The following PMEPA1 variants were observed in gnomAD, a reference collection of about 807,000 sequenced individuals.
PMEPA1 encodes protein TMEPAI.
In PMEPA1, 11 loss-of-function variants were observed where a neutral mutation model predicts 23.0. That is an observed-to-expected ratio of 0.48 (90% CI 0.30 to 0.79). The LOEUF is 0.79. Ranked by LOEUF, PMEPA1 falls within the 30% of genes least tolerant of loss-of-function variation. The probability of loss-of-function intolerance (pLI) is 0.06; values close to 1 mark genes in which losing one functional copy is unlikely to be tolerated. For missense variants in PMEPA1, 377 were observed against 390.9 expected (o/e 0.96, Z 0.30); for synonymous variants, 204 against 166.4 (o/e 1.23, Z -1.74).
chr20:57,651,855 T>G lies in PMEPA1; in HGVS notation c.*198A>C. ...ACGTGGTTTTTTTTTTTCTTTTTTCTTTTTTTTTTTGCAAGCTCTCTTAGC... is the reference window on the plus strand; with the variant it reads ...ACGTGGTTTTTTTTTTTCTTTTTTCGTTTTTTTTTTGCAAGCTCTCTTAGC... On this transcript the variant is annotated 3_prime_UTR_variant, in exon 4 of 4. Coordinates refer to ENST00000341744, the MANE Select transcript of PMEPA1 (RefSeq NM_020182.5). 16 of 226,658 alleles carry G rather than the reference T, an allele frequency of 7.1e-5. No individual in the cohort carries two copies. The highest frequency in any genetic ancestry group is 7.6e-5 in the African/African-American group (2 of 26,208). The allele number at this position is 226,658 out of a possible 1,614,324, so 14.0% of individuals were successfully genotyped here. A position where few individuals can be genotyped will look rare whatever the true frequency, so the allele number is the denominator to read the frequency against.
At chr20:57,662,818 G>A (rs891164546) in intron 1 of PMEPA1, among the ~76,000 whole-genome samples, 3 of 152,140 alleles carry the variant, frequency 2.0e-5, no homozygotes, top group Non-Finnish European at 4.4e-5. Context: ...CAGCCCTGGA[G>A]GGAGGGAGGT....
At chr20:57,706,675 T>C (rs1460824522) in intron 1 of PMEPA1, among the ~76,000 whole-genome samples, 1 of 152,198 alleles carries the variant, frequency 6.6e-6, no homozygotes, top group African/African-American at 2.4e-5. Context: ...AAGGAGGACC[T>C]GCTCTGGGGC....
intron 1 of PMEPA1, among the ~76,000 whole-genome samples, chr20:57,676,407 A>C (rs1308930647): frequency 6.6e-6 from 1 of 152,260 alleles, no homozygotes; most frequent in Non-Finnish European, 1.5e-5. Context: ...CAAAGCAGGC[A>C]TCATGACATG....
chr20:57,708,685 G>C (rs1012736601), intron 1 of PMEPA1, among the ~76,000 whole-genome samples: 9 of 152,022 alleles, frequency 5.9e-5, no homozygotes, highest in Non-Finnish European at 1.3e-4. Flanking sequence ...ACAGACACTG[G>C]CACAATGACA....
At chr20:57,674,558 CTGGATGA>C (rs1274375921) in intron 1 of PMEPA1, among the ~76,000 whole-genome samples, 1 of 152,226 alleles carries the variant, frequency 6.6e-6, no homozygotes, top group Non-Finnish European at 1.5e-5. Flanking sequence ...GACCCCTGCC[CTGGATGA>C]TGGACTTGCA....
upstream of PMEPA1, chr20:57,711,462 GC>G (rs2072179721): frequency 6.6e-6 from 1 of 152,160 alleles, no homozygotes; most frequent in African/African-American, 2.4e-5. Flanking sequence ...GAGAAGTCAA[GC>G]CCAGGGATGT....
rs2071224023 is a variant in PMEPA1, at chr20:57,651,290, T to A, written c.*763A>T. The A allele has an allele frequency of 6.6e-6, 1 of 152,602 alleles. No homozygotes were observed. The allele number at this position is 152,602 out of a possible 1,614,324, so 9.5% of individuals were successfully genotyped here. ...GCCCCTCGGGAAAGCCCGCCGCTCCTGGCCAAGGCCTCTCTGCAGACTCCA... is the reference window on the plus strand; with the variant it reads ...GCCCCTCGGGAAAGCCCGCCGCTCCAGGCCAAGGCCTCTCTGCAGACTCCA... On this transcript the variant is annotated 3_prime_UTR_variant, in exon 4 of 4. Coordinates refer to ENST00000341744, the MANE Select transcript of PMEPA1 (RefSeq NM_020182.5).
Position 57,709,604 on chromosome 20 carries a change from C to CGGGGCGCGG in PMEPA1, c.-31_-23dup. On this transcript the variant is annotated 5_prime_UTR_variant, in exon 1 of 4. Coordinates refer to ENST00000341744, the MANE Select transcript of PMEPA1 (RefSeq NM_020182.5). ...GCATGGACGGCGCGGCGGCGCGGCG[C>CGGGGCGCGG]GGGGCGCGGGGGGCTCGGGGGCGGC... 1.8e-6 allele frequency: 1 copy of CGGGGCGCGG among 545,876 alleles called. No individual in the cohort carries two copies. The highest frequency in any genetic ancestry group is 2.6e-5 in the African/African-American group (1 of 37,818). 33.8% of individuals were successfully genotyped at this position (545,876 alleles called of 1,614,324 possible). A position where few individuals can be genotyped will look rare whatever the true frequency, so the allele number is the denominator to read the frequency against.
At chr20:57,660,975 C>T (rs769319837) in intron 1 of PMEPA1, among the ~76,000 whole-genome samples, 3 of 152,068 alleles carry the variant, frequency 2.0e-5, no homozygotes, top group African/African-American at 4.8e-5. Context: ...GCGCACCACA[C>T]GTGCCCACAC....
intron 2 of PMEPA1, among the ~76,000 whole-genome samples, chr20:57,654,653 TCTC>T (rs552938089): frequency 6.6e-6 from 1 of 152,058 alleles, no homozygotes; most frequent in East Asian, 1.9e-4. Context: ...CCCTCTCACT[TCTC>T]CTTCTATTAG....
intron 1 of PMEPA1, among the ~76,000 whole-genome samples, chr20:57,679,000 G>C (rs1221066312): frequency 6.6e-6 from 1 of 152,234 alleles, no homozygotes; most frequent in Non-Finnish European, 1.5e-5. Flanking sequence ...AGGCACAGAA[G>C]AGCCAGGAAC....
chr20:57,706,860 G>A (rs911829591), intron 1 of PMEPA1, among the ~76,000 whole-genome samples: 6 of 152,166 alleles, frequency 3.9e-5, no homozygotes, highest in Admixed American at 3.9e-4. Flanking sequence ...TGAAATTTGG[G>A]GTAGCTGAAG....
upstream of PMEPA1, chr20:57,710,725 C>G (rs1261899784): frequency 2.2e-6 from 1 of 462,214 alleles, no homozygotes; most frequent in Non-Finnish European, 3.8e-6. Context: ...GGGGGCGCGG[C>G]TGCGGAGTTC....
intron 1 of PMEPA1, among the ~76,000 whole-genome samples, chr20:57,675,311 AAGCAGCCTCC>A (rs1012022522): frequency 1.3e-5 from 2 of 152,118 alleles, no homozygotes; most frequent in African/African-American, 4.8e-5. Flanking sequence ...CCACCCCGAA[AAGCAGCCTCC>A]AGCAGCCCCG....
chr20:57,705,949 C>G (rs935282786), intron 1 of PMEPA1, among the ~76,000 whole-genome samples: 1 of 152,192 alleles, frequency 6.6e-6, no homozygotes, highest in Non-Finnish European at 1.5e-5. Context: ...TGTCTCTACA[C>G]CCTCACTTGA....
Position 57,649,676 on chromosome 20 carries a change from A to G in PMEPA1, c.*2377T>C, listed in dbSNP as rs1251789879. ...CAGCCTAGATGGGAGTCGTGTACAA[A>G]CCTTGGCAAAAAAAGGTTGGAGGAG... On this transcript the variant is annotated 3_prime_UTR_variant, in exon 4 of 4. Coordinates refer to ENST00000341744, the MANE Select transcript of PMEPA1 (RefSeq NM_020182.5). The G allele has an allele frequency of 1.3e-5, 2 of 152,272 alleles. No homozygotes were observed. The highest frequency in any genetic ancestry group is 2.9e-5 in the Non-Finnish European group (2 of 68,048). The allele number at this position is 152,272 out of a possible 1,614,324, so 9.4% of individuals were successfully genotyped here. A position where few individuals can be genotyped will look rare whatever the true frequency, so the allele number is the denominator to read the frequency against.
intron 1 of PMEPA1, among the ~76,000 whole-genome samples, chr20:57,708,317 C>G (rs1210297737): frequency 2.6e-5 from 4 of 152,168 alleles, no homozygotes; most frequent in Admixed American, 2.0e-4. Context: ...GAAACTAAAG[C>G]TCAGGGAAGC....
rs1478208980 is a variant in PMEPA1 at position 57,709,784 on chromosome 20, C to G, written c.-202G>C. Reference sequence around the variant, plus strand: ...GCGGGACCGCGCTCCGCTGCGCCCCCCCGGCCTCCCCTCGGCAGCCCCGGG... The same window carrying G: ...GCGGGACCGCGCTCCGCTGCGCCCCGCCGGCCTCCCCTCGGCAGCCCCGGG... On this transcript the variant is annotated 5_prime_UTR_variant, in exon 1 of 4. Transcript: ENST00000341744. The G allele has an allele frequency of 1.0e-6, 1 of 982,270 alleles. No individual in the cohort carries two copies. The highest frequency in any genetic ancestry group is 1.2e-6 in the Non-Finnish European group (1 of 828,434). The allele number at this position is 982,270 out of a possible 1,614,324, so 60.8% of individuals were successfully genotyped here. A position where few individuals can be genotyped will look rare whatever the true frequency, so the allele number is the denominator to read the frequency against.
chr20:57,652,288 C>T lies in PMEPA1; in HGVS notation c.629G>A (p.Ser210Asn). ...GCACGTGGCGCTGATGCCCGAGTTACTGCTGGGGGGGCAGGGGCCGCCCAG... is the reference window on the plus strand; with the variant it reads ...GCACGTGGCGCTGATGCCCGAGTTATTGCTGGGGGGGCAGGGGCCGCCCAG... ...ARLGGPCPPS[S>N]NSGISATCYG... is the part of the protein sequence containing the mutation. The change falls in exon 4 of 4, where the codon AGT becomes AAT. Residue 210 changes from serine to asparagine, a missense_variant. Transcript: ENST00000341744. This position sits in a 1 kb window ranked among gnomAD's most constrained non-coding sequence, Gnocchi z 6.1. The T allele has an allele frequency of 6.2e-7, 1 of 1,610,006 alleles. No homozygotes were observed.
Sources: gnomAD v4.1 joint callset for allele counts (sites outside exome capture counted in the v4.1 genomes callset) on GRCh38, gnomAD v4.1.1 for gene constraint, Gnocchi (gnomAD v3.1) non-coding constraint, MANE v1.5 for transcripts, NCBI Gene and HGNC (gene_info 2026-07-23, HGNC 2026-07-21) for gene names.